The following JPH1 variants were observed in gnomAD, a reference collection of about 807,000 sequenced individuals.
JPH1 encodes the protein junctophilin-1.
A neutral mutation model predicts 53.6 loss-of-function variants in JPH1; 12 were observed. The observed-to-expected ratio is 0.22, with a 90% CI of 0.14 to 0.36. The LOEUF is 0.36. JPH1 is among the 10% of genes least tolerant of loss of function. The pLI is 1.00. For missense variants in JPH1, 808 were observed against 905.5 expected (o/e 0.89, Z 1.38); for synonymous variants, 375 against 363.8 (o/e 1.03, Z -0.35).
rs199999696 is a variant in JPH1 at position 74,315,440 on chromosome 8, G to T, written c.560C>A (p.Ala187Asp). Residue 187 changes from alanine to aspartate, a missense_variant, in exon 2 of 6, where the codon GCC (alanine) becomes GAC (aspartate). Transcript: ENST00000342232. The surrounding 1 kb of genome is among the most constrained non-coding windows in gnomAD (Gnocchi z 6.3). ...HDAAAAADSP[A>D]GTRGGFVLNF... ...GAGCACGAAACCGCCGCGGGTGCCG[G>T]CCGGGCTGTCGGCGGCGGCTGCGGC... is the stretch of plus-strand genomic sequence containing the variant. 1.5e-4 allele frequency: 247 copies of T among 1,610,698 alleles called. 1 individual carries two copies. The highest frequency in any genetic ancestry group is 2.0e-4 in the Non-Finnish European group (240 of 1,179,030).
intron 2 of JPH1, among the ~76,000 whole-genome samples, chr8:74,309,164 C>T (rs79000437): frequency 4.6e-5 from 7 of 152,108 alleles, no homozygotes; most frequent in Admixed American, 1.3e-4. Flanking sequence ...TAGTCCCATG[C>T]GACTGGCCAC....
At chr8:74,261,342 G>A (rs1354005568) in intron 2 of JPH1, among the ~76,000 whole-genome samples, 2 of 152,146 alleles carry the variant, frequency 1.3e-5, no homozygotes, top group East Asian at 1.9e-4. Context: ...GTGTGCATGA[G>A]GAGAGGAGGT....
chr8:74,314,544 A>G (rs577832115), intron 2 of JPH1, among the ~76,000 whole-genome samples: 5 of 152,194 alleles, frequency 3.3e-5, no homozygotes, highest in South Asian at 2.1e-4. Context: ...AGAAAAGAAA[A>G]CAGCAACTTT....
At chr8:74,293,060 C>G (rs741844) in intron 2 of JPH1, among the ~76,000 whole-genome samples, 1 of 152,000 alleles carries the variant, frequency 6.6e-6, no homozygotes, top group African/African-American at 2.4e-5. Context: ...GGCTGGGATT[C>G]TTCCTCATAT....
chr8:74,294,363 T>C (rs1033825295), intron 2 of JPH1, among the ~76,000 whole-genome samples: 5 of 149,820 alleles, frequency 3.3e-5, no homozygotes, highest in African/African-American at 1.2e-4. Context: ...TTGAACACTG[T>C]CCAGGTAGAC....
chr8:74,241,278 G>C (rs1805684571), intron 4 of JPH1, among the ~76,000 whole-genome samples: 1 of 152,154 alleles, frequency 6.6e-6, no homozygotes, highest in South Asian at 2.1e-4. Context: ...ACCAAGCCCT[G>C]GCCTCTGTGT....
chr8:74,238,317 T>C (rs1805595886), intron 4 of JPH1, among the ~76,000 whole-genome samples: 1 of 152,160 alleles, frequency 6.6e-6, no homozygotes, highest in African/African-American at 2.4e-5. Flanking sequence ...TAATGGAGAT[T>C]GGAGCTGTCA....
chr8:74,278,633 T>C (rs939234921), intron 2 of JPH1, among the ~76,000 whole-genome samples: 2 of 152,210 alleles, frequency 1.3e-5, no homozygotes, highest in African/African-American at 2.4e-5. Context: ...GTTACAGTGT[T>C]GGCTTGGGTG....
intron 2 of JPH1, among the ~76,000 whole-genome samples, chr8:74,295,498 TG>T (rs1183444749): frequency 2.0e-5 from 3 of 152,202 alleles, no homozygotes; most frequent in Non-Finnish European, 4.4e-5. Context: ...ACCTACTAAG[TG>T]CTACTCACTG....
intron 1 of JPH1, among the ~76,000 whole-genome samples, chr8:74,317,856 A>G (rs1265430483): frequency 6.6e-6 from 1 of 152,202 alleles, no homozygotes; most frequent in African/African-American, 2.4e-5. Context: ...CAGTATTTAG[A>G]ATTTCCAAAA....
intron 2 of JPH1, among the ~76,000 whole-genome samples, chr8:74,263,301 T>C (rs932218241): frequency 6.6e-6 from 1 of 152,200 alleles, no homozygotes; most frequent in African/African-American, 2.4e-5. Context: ...TGTGCTGATT[T>C]TGATGTTTTT....
intron 2 of JPH1, among the ~76,000 whole-genome samples, chr8:74,302,137 T>G (rs892740540): frequency 3.3e-5 from 5 of 152,220 alleles, no homozygotes; most frequent in Admixed American, 2.6e-4. Context: ...TCTTTTTGTG[T>G]GTAGCCAAAA....
chr8:74,293,371 C>G (rs936474963), intron 2 of JPH1, among the ~76,000 whole-genome samples: 15 of 152,090 alleles, frequency 9.9e-5, no homozygotes, highest in African/African-American at 3.4e-4. Flanking sequence ...CGTTGGGCAC[C>G]GTTCCAAACA....
chr8:74,315,168 T>C lies in JPH1; in HGVS notation c.832A>G (p.Thr278Ala), dbSNP rs762573489. 6.2e-7 allele frequency: 1 copy of C among 1,614,206 alleles called. No homozygotes were observed. The highest frequency in any genetic ancestry group is 8.5e-7 in the Non-Finnish European group (1 of 1,180,036). The change falls in exon 2 of 6, where the codon ACG (threonine) becomes GCG (alanine). Residue 278 changes from threonine to alanine, a missense_variant. Physicochemically the swap from Thr to Ala is moderately conservative, Grantham distance 58 (BLOSUM62 0). Transcript: ENST00000342232. The surrounding 1 kb of genome is among the most constrained non-coding windows in gnomAD (Gnocchi z 6.3). ...TTCCACTCGCCCATGTAGGTTTCCG[T>C]GGTGGTGGCGTCCACGTGGTCTTCC... ...PVEDHVDATTTETYMGEWKND... is the reference protein window; with the variant it reads ...PVEDHVDATTAETYMGEWKND...
In JPH1 at chr8:74,244,966, A is replaced by G. The variant is rs765205978; in HGVS notation, c.1468T>C (p.Ser490Pro). The G allele has an allele frequency of 1.1e-4, 173 of 1,613,776 alleles. No individual in the cohort carries two copies. The highest frequency in any genetic ancestry group is 1.4e-4 in the Non-Finnish European group (171 of 1,179,994). ...PKPLKKQNPS[S>P]GARLNQDKRS... The stretch of plus-strand genomic sequence containing the variant: ...TTGTCTTGGTTGAGTCTCGCCCCTG[A>G]GCTGGGGTTTTGCTTCTTCAGGGGC... The change falls in exon 4 of 6, where the codon TCA becomes CCA. Residue 490 changes from serine (S) to proline (P), a missense_variant. Physicochemically the swap from Ser to Pro is moderately conservative, Grantham distance 74 (BLOSUM62 -1). Coordinates refer to ENST00000342232, the MANE Select transcript of JPH1 (RefSeq NM_020647.4).
chr8:74,257,173 C>T (rs190030042), intron 3 of JPH1, among the ~76,000 whole-genome samples: 10 of 152,280 alleles, frequency 6.6e-5, no homozygotes, highest in African/African-American at 2.2e-4. Flanking sequence ...GCAGCCTCCC[C>T]GACAAGCTCT....
At position 74,315,707 on chromosome 8, in the gene JPH1, G is replaced by T; in HGVS notation, c.380-87C>A. ...ATCCAGCGCACACTGGCGCAGGCCT[G>T]CCCAAGGTCAAATCTGACCCATTTC... On this transcript the variant is annotated intron_variant, in intron 1 of 5. Coordinates refer to ENST00000342232, the MANE Select transcript of JPH1 (RefSeq NM_020647.4). The surrounding 1 kb of genome is among the most constrained non-coding windows in gnomAD (Gnocchi z 6.3). The T allele has an allele frequency of 1.5e-6, 2 of 1,328,298 alleles. No homozygotes were observed. Among genetic ancestry groups the T allele is most frequent in the Non-Finnish European group, 2.0e-6 (2 of 994,846 alleles). The allele number at this position is 1,328,298 out of a possible 1,614,324, so 82.3% of individuals were successfully genotyped here.
rs1334076199 is a variant in JPH1, at chr8:74,234,722, T to C, written c.*2329A>G. On this transcript the variant is annotated 3_prime_UTR_variant, in exon 6 of 6. Transcript: ENST00000342232. ...AACTTCATTAATAACCAACTTTTTT[T>C]TATTAGAGCAGATACAGTTGTGAAA... 1 of 152,654 alleles carries C rather than the reference T, an allele frequency of 6.6e-6. No homozygotes were observed. The highest frequency in any genetic ancestry group is 2.4e-5 in the African/African-American group (1 of 41,458). 9.5% of individuals were successfully genotyped at this position (152,654 alleles called of 1,614,324 possible). A position where few individuals can be genotyped will look rare whatever the true frequency, so the allele number is the denominator to read the frequency against.
intron 2 of JPH1, among the ~76,000 whole-genome samples, chr8:74,295,645 TC>T (rs1175864660): frequency 1.5e-4 from 23 of 152,138 alleles, no homozygotes; most frequent in African/African-American, 5.3e-4. Flanking sequence ...GAATAAAATC[TC>T]CCCCCTCAGC....
Sources: allele counts gnomAD v4.1 joint callset (sites outside exome capture counted in the v4.1 genomes callset), GRCh38; gene constraint gnomAD v4.1.1; non-coding constraint Gnocchi (gnomAD v3.1); transcripts MANE v1.5; gene names NCBI Gene and HGNC (gene_info 2026-07-23, HGNC 2026-07-21).